The following RLIM variants were observed in gnomAD, a reference collection of about 807,000 sequenced individuals.
The protein encoded by RLIM is E3 ubiquitin-protein ligase RLIM.
Under a neutral mutation model 34.0 loss-of-function variants are expected in RLIM, and 2 were observed. The ratio of observed to expected loss-of-function variants is 0.06; its 90% CI spans 0.02 to 0.19. RLIM has a LOEUF of 0.19. RLIM is among the 10% of genes least tolerant of loss of function. The probability of loss-of-function intolerance (pLI) is 1.00; values close to 1 mark genes in which losing one functional copy is unlikely to be tolerated. For synonymous variants in RLIM, 169 were observed against 164.0 expected (o/e 1.03, Z -0.23); for missense variants, 286 against 479.7 (o/e 0.60, Z 3.77).
At chrX:74,605,523 T>C (rs1056017720) in intron 1 of RLIM, among the ~76,000 whole-genome samples, 1 of 112,003 alleles carries the variant, frequency 8.9e-6, no homozygotes, top group Non-Finnish European at 1.9e-5. Context: ...CTAGCTTAAG[T>C]AGCAAGAGGA....
intron 1 of RLIM, among the ~76,000 whole-genome samples, chrX:74,611,552 C>T (rs920051400): frequency 2.9e-4 from 33 of 112,156 alleles, no homozygotes; most frequent in African/African-American, 1.0e-3. Flanking sequence ...TGAAATAGAA[C>T]AATAAATATG....
At chrX:74,595,438 T>C (rs950209347) in intron 2 of RLIM, among the ~76,000 whole-genome samples, 4 of 111,704 alleles carry the variant, frequency 3.6e-5, no homozygotes, top group Non-Finnish European at 7.5e-5. Context: ...CTGGGACATA[T>C]TCAGAAAATC....
chrX:74,604,441 G>C (rs1336387418), intron 1 of RLIM, among the ~76,000 whole-genome samples: 1 of 111,004 alleles, frequency 9.0e-6, no homozygotes, highest in Non-Finnish European at 1.9e-5. Flanking sequence ...GTATTTCTTT[G>C]TAAGATAGAG....
chrX:74,589,853 G>C lies in RLIM; in HGVS notation c.*1587C>G, dbSNP rs1473957804. The C allele has an allele frequency of 1.8e-5, 2 of 111,915 alleles. No individual in the cohort carries two copies. Among genetic ancestry groups the C allele is most frequent in the African/African-American group, 6.5e-5 (2 of 30,801 alleles). 9.2% of individuals were successfully genotyped at this position (111,915 alleles called of 1,213,427 possible). Reference sequence around the variant, plus strand: ...AAAAGAAATTAGGCAAGAAGACTGGGGTTATCATGAAGTTACTCTTACTAC... The same window carrying C: ...AAAAGAAATTAGGCAAGAAGACTGGCGTTATCATGAAGTTACTCTTACTAC... On this transcript the variant is annotated 3_prime_UTR_variant, in exon 4 of 4. Transcript: ENST00000332687.
At chrX:74,613,144 C>T (rs1482507799) in intron 1 of RLIM, among the ~76,000 whole-genome samples, 2 of 110,680 alleles carry the variant, frequency 1.8e-5, no homozygotes, top group African/African-American at 6.6e-5. Flanking sequence ...ATAATTGTGC[C>T]AGTCCTCCAG....
At chrX:74,598,301 C>T (rs2079647835) in intron 1 of RLIM, among the ~76,000 whole-genome samples, 1 of 111,318 alleles carries the variant, frequency 9.0e-6, no homozygotes, top group African/African-American at 3.3e-5. Flanking sequence ...GAAGTGACAT[C>T]TCTGCAGTGG....
At position 74,594,000 on chromosome X, in the gene RLIM, T is replaced by A. The variant is rs1032353767; in HGVS notation, c.253+306A>T. Among the ~76,000 whole-genome samples, 9 of 112,182 alleles carry A rather than the reference T, an allele frequency of 8.0e-5. No homozygotes were observed. The East Asian group carries it at 2.2e-3, about 28-fold the overall frequency. ...TTTTTGCTGGTGAAGAAGTCACATG[T>A]TTATAAAGAAGGAATTAAGTAGGAA... On this transcript the variant is annotated intron_variant, in intron 3 of 3. Transcript: ENST00000332687.
chrX:74,598,392 C>T (rs1189596238), intron 1 of RLIM, among the ~76,000 whole-genome samples: 1 of 110,872 alleles, frequency 9.0e-6, no homozygotes, highest in East Asian at 2.8e-4. Flanking sequence ...CTTTGGGAGG[C>T]CGAGGTGGGA....
rs1208187653 is a variant in RLIM, at chrX:74,589,345, A to G, written c.*2095T>C. On this transcript the variant is annotated 3_prime_UTR_variant, in exon 4 of 4. Coordinates refer to ENST00000332687, the MANE Select transcript of RLIM (RefSeq NM_016120.4). The stretch of plus-strand genomic sequence containing the variant: ...AAACTGTAGATTACATCCTTAGGAA[A>G]GGAGAAAAGGAGGCTCACAAATATA... 1 of 111,873 alleles carries G rather than the reference A, an allele frequency of 8.9e-6. No homozygotes were observed. The highest frequency in any genetic ancestry group is 9.6e-5 in the Admixed American group (1 of 10,455). The allele number at this position is 111,873 out of a possible 1,213,427, so 9.2% of individuals were successfully genotyped here.
rs773335683 is a variant in RLIM at position 74,592,682 on chromosome X, T to A, written c.633A>T (p.Ala211=). The A allele has an allele frequency of 7.4e-6, 9 of 1,210,067 alleles. No individual in the cohort carries two copies. The highest frequency in any genetic ancestry group is 1.0e-5 in the Non-Finnish European group (9 of 895,172). ...TCCGATGGTCTGGGCTCCTGCTTCT[T>A]GCCCTCCTCTGACCTCTGGTAGGTG... The part of the protein sequence containing the change: ...EVPPTRGQRR[A]RSRSPDHRRT... The change falls in exon 4 of 4, where the codon GCA becomes GCT. Residue 211 remains alanine, a synonymous_variant. Transcript: ENST00000332687.
At chrX:74,593,564 A>G (rs2079626242) in intron 3 of RLIM, among the ~76,000 whole-genome samples, 1 of 112,914 alleles carries the variant, frequency 8.9e-6, no homozygotes, top group Non-Finnish European at 1.9e-5. Flanking sequence ...AAATACAAAC[A>G]AGATTTATAG....
At chrX:74,605,294 CAA>C (rs974056554) in intron 1 of RLIM, among the ~76,000 whole-genome samples, 3 of 112,276 alleles carry the variant, frequency 2.7e-5, no homozygotes, top group African/African-American at 9.7e-5. Context: ...CTAAAAACCA[CAA>C]GTTCTGCCCC....
At position 74,588,842 on chromosome X, in the gene RLIM, G is replaced by T. The variant is rs759691083; in HGVS notation, c.*2598C>A. The stretch of plus-strand genomic sequence containing the variant: ...TTCTCCATTGTAATCTGACACCTAC[G>T]AATGACCTTGTCTTCAATGTCCACA... On this transcript the variant is annotated 3_prime_UTR_variant, in exon 4 of 4. Transcript: ENST00000332687. 1 of 112,023 alleles carries T rather than the reference G, an allele frequency of 8.9e-6. No homozygotes were observed. The highest frequency in any genetic ancestry group is 1.9e-5 in the Non-Finnish European group (1 of 53,238). The allele number at this position is 112,023 out of a possible 1,213,427, so 9.2% of individuals were successfully genotyped here.
intron 1 of RLIM, among the ~76,000 whole-genome samples, chrX:74,609,791 T>C (rs1210579682): frequency 2.7e-5 from 3 of 111,563 alleles, no homozygotes; most frequent in Non-Finnish European, 5.6e-5. Flanking sequence ...TTAGTTATAA[T>C]CAGCACTAAA....
chrX:74,590,725 C>T lies in RLIM; in HGVS notation c.*715G>A, dbSNP rs369635373. The T allele has an allele frequency of 8.9e-6, 1 of 112,886 alleles. No individual in the cohort carries two copies. Among genetic ancestry groups the T allele is most frequent in the East Asian group, 2.8e-4 (1 of 3,621 alleles). The allele number at this position is 112,886 out of a possible 1,213,427, so 9.3% of individuals were successfully genotyped here. ...CATACAACAGTGCATTGGAAAAGTA[C>T]TGAGCCTCTACAAAATAGCTTTACA... is the stretch of plus-strand genomic sequence containing the variant. On this transcript the variant is annotated 3_prime_UTR_variant, in exon 4 of 4. Coordinates refer to ENST00000332687, the MANE Select transcript of RLIM (RefSeq NM_016120.4).
rs1254353527 is a variant in RLIM at position 74,590,772 on chromosome X, T to A, written c.*668A>T. 8.9e-6 allele frequency: 1 copy of A among 112,523 alleles called. No homozygotes were observed. The allele number at this position is 112,523 out of a possible 1,213,427, so 9.3% of individuals were successfully genotyped here. ...TACATTTTTAAACAAATGAATGTGA[T>A]TTTTTTTCACTTACACAAGCATAGG... On this transcript the variant is annotated 3_prime_UTR_variant, in exon 4 of 4. Coordinates refer to ENST00000332687, the MANE Select transcript of RLIM (RefSeq NM_016120.4).
rs952052571 is a variant in RLIM at position 74,583,278 on chromosome X, T to A, written c.*8162A>T. ...AGTGATTTTACCGGCAAGAGTAGGG[T>A]GCATGGCTTGAATAAGAGGAAACAG... On this transcript the variant is annotated 3_prime_UTR_variant, in exon 4 of 4. Coordinates refer to ENST00000332687, the MANE Select transcript of RLIM (RefSeq NM_016120.4). 5.9e-6 allele frequency: 6 copies of A among 1,018,804 alleles called. No homozygotes were observed. Among genetic ancestry groups the A allele is most frequent in the Non-Finnish European group, 7.0e-6 (5 of 718,320 alleles). The allele number at this position is 1,018,804 out of a possible 1,213,427, so 84.0% of individuals were successfully genotyped here. A position where few individuals can be genotyped will look rare whatever the true frequency, so the allele number is the denominator to read the frequency against.
intron 1 of RLIM, among the ~76,000 whole-genome samples, chrX:74,599,982 G>C (rs2079654601): frequency 9.0e-6 from 1 of 110,710 alleles, no homozygotes; most frequent in Non-Finnish European, 1.9e-5. Flanking sequence ...AACCTTGCCT[G>C]CTTGCTAAGC....
rs976328481 is a variant in RLIM at position 74,596,839 on chromosome X, T to C, written c.-23-839A>G. ...GACAGCATTTCAAGTGCCTTCACAC[T>C]GGACATTAAAAAAAACTGAGTATAC... is the stretch of plus-strand genomic sequence containing the variant. On this transcript the variant is annotated intron_variant, in intron 1 of 3. Coordinates refer to ENST00000332687, the MANE Select transcript of RLIM (RefSeq NM_016120.4). Among the ~76,000 whole-genome samples the C allele has an allele frequency of 2.7e-5, 3 of 110,932 alleles. No individual in the cohort carries two copies. In the South Asian group the frequency reaches 1.1e-3, roughly 42 times the overall value.
Sources: allele counts gnomAD v4.1 joint callset (sites outside exome capture counted in the v4.1 genomes callset), GRCh38; gene constraint gnomAD v4.1.1; transcripts MANE v1.5; gene names NCBI Gene and HGNC (gene_info 2026-07-23, HGNC 2026-07-21).